GSTCD: variants seen among roughly 807,000 people sequenced by gnomAD.
GSTCD encodes the protein glutathione S-transferase C-terminal domain-containing protein.
In GSTCD, 44 loss-of-function variants were observed where a neutral mutation model predicts 68.3. That is an observed-to-expected ratio of 0.64 (90% CI 0.51 to 0.83). GSTCD has a LOEUF of 0.83. Among genes scored for constraint, GSTCD ranks in the 40% least tolerant of loss-of-function variants. The probability of loss-of-function intolerance (pLI) is 0.00; values close to 1 mark genes in which losing one functional copy is unlikely to be tolerated. For synonymous variants in GSTCD, 273 were observed against 255.2 expected (o/e 1.07, Z -0.67); for missense variants, 739 against 735.9 (o/e 1.00, Z -0.05).
chr4:105,826,717 A>G (rs1026491371), intron 8 of GSTCD, among the ~76,000 whole-genome samples: 1 of 152,038 alleles, frequency 6.6e-6, no homozygotes, highest in Non-Finnish European at 1.5e-5. Flanking sequence ...TCTCATTGTT[A>G]TAATGCAATT....
intron 5 of GSTCD, among the ~76,000 whole-genome samples, chr4:105,794,254 G>C (rs1019520507): frequency 6.6e-6 from 1 of 152,026 alleles, no homozygotes; most frequent in Non-Finnish European, 1.5e-5. Context: ...GGACTACTGG[G>C]AGGAGGTAGA....
chr4:105,794,843 C>CTATT (rs1310209067), intron 5 of GSTCD, among the ~76,000 whole-genome samples: 1 of 36,778 alleles, frequency 2.7e-5, no homozygotes, highest in Non-Finnish European at 5.4e-5. Flanking sequence ...ATCTATTTAT[C>CTATT]TATCTATCTA....
In GSTCD at chr4:105,834,735, T is replaced by C. The variant is rs180902606; in HGVS notation, c.1664+141T>C. ...TGCCAAATATTGTTTGTAAATTGTA[T>C]AAGGAAGAGAAGAACTCCTTTATGT... On this transcript the variant is annotated intron_variant, in intron 9 of 11. Transcript: ENST00000515279. 8.2e-5 allele frequency: 57 copies of C among 697,722 alleles called. No homozygotes were observed. The East Asian group carries it at 1.6e-3, about 19-fold the overall frequency. 43.2% of individuals were successfully genotyped at this position (697,722 alleles called of 1,614,324 possible).
intron 6 of GSTCD, 50 bp downstream of exon 6, chr4:105,823,119 C>T: frequency 2.5e-6 from 4 of 1,570,936 alleles, no homozygotes; most frequent in Non-Finnish European, 2.6e-6. Context: ...GATTATGAGA[C>T]TTTTCTATAT....
At chr4:105,709,814 A>G (rs1219338061) in intron 1 of GSTCD, among the ~76,000 whole-genome samples, 6 of 152,222 alleles carry the variant, frequency 3.9e-5, no homozygotes, top group East Asian at 1.9e-4. Flanking sequence ...TGTAAAAACA[A>G]TGTTTACAGG....
rs780054069 is a variant in GSTCD, at chr4:105,834,537, C to T, written c.1607C>T (p.Thr536Ile). ...ATCAAAACACGGGCTTCCTTCGTCA[C>T]ATGCCCTTGCTGTTATGGTTTCATT... ...HCIKTRASFVTCPCCYGFIQN... is the reference protein window; with the variant it reads ...HCIKTRASFVICPCCYGFIQN... The change falls in exon 9 of 12, where the codon ACA becomes ATA. Residue 536 changes from threonine (T) to isoleucine (I), a missense_variant. Transcript: ENST00000515279. The T allele has an allele frequency of 6.2e-7, 1 of 1,614,116 alleles. No individual in the cohort carries two copies. Among genetic ancestry groups the T allele is most frequent in the South Asian group, 1.1e-5 (1 of 91,082 alleles).
At chr4:105,815,695 C>G (rs1230983025) in intron 5 of GSTCD, among the ~76,000 whole-genome samples, 1 of 152,126 alleles carries the variant, frequency 6.6e-6, no homozygotes, top group Admixed American at 6.5e-5. Flanking sequence ...CTGAGGATTA[C>G]TTGAATGGCC....
In GSTCD at chr4:105,846,040, T is replaced by TA; in HGVS notation, c.*470dup. ...AACAATTGTACTTTTTCTATCACTT[T>TA]AAAAAAATCTAGTCAGGTAATTATA... is the stretch of plus-strand genomic sequence containing the variant. On this transcript the variant is annotated 3_prime_UTR_variant, in exon 12 of 12. Coordinates refer to ENST00000515279, the MANE Select transcript of GSTCD (RefSeq NM_001370181.1). The TA allele has an allele frequency of 6.3e-6, 1 of 158,134 alleles. No individual in the cohort carries two copies. Among genetic ancestry groups the TA allele is most frequent in the Non-Finnish European group, 1.4e-5 (1 of 71,044 alleles). The allele number at this position is 158,134 out of a possible 1,614,324, so 9.8% of individuals were successfully genotyped here.
At chr4:105,832,980 G>C (rs921318419) in intron 8 of GSTCD, among the ~76,000 whole-genome samples, 4 of 152,306 alleles carry the variant, frequency 2.6e-5, no homozygotes, top group African/African-American at 7.2e-5. Context: ...GCTGTTTTCA[G>C]AGTGAAACAA....
At chr4:105,770,377 T>C (rs994434023) in intron 5 of GSTCD, among the ~76,000 whole-genome samples, 1 of 152,114 alleles carries the variant, frequency 6.6e-6, no homozygotes, top group Non-Finnish European at 1.5e-5. Context: ...TTTTCCTTTT[T>C]TTTTTATTAT....
At chr4:105,831,737 T>G (rs1459780813) in intron 8 of GSTCD, among the ~76,000 whole-genome samples, 1 of 152,106 alleles carries the variant, frequency 6.6e-6, no homozygotes, top group Non-Finnish European at 1.5e-5. Context: ...GTCATTTGTC[T>G]TTTTACTTAT....
At chr4:105,839,732 A>C (rs1156830418) in intron 10 of GSTCD, among the ~76,000 whole-genome samples, 6 of 152,204 alleles carry the variant, frequency 3.9e-5, no homozygotes, top group Non-Finnish European at 5.9e-5. Context: ...GGGAAAACAA[A>C]AACTAGACCC....
intron 5 of GSTCD, among the ~76,000 whole-genome samples, chr4:105,742,980 T>C (rs1438830186): frequency 5.9e-5 from 9 of 151,406 alleles, no homozygotes; most frequent in Non-Finnish European, 1.2e-4. Flanking sequence ...GACAGAGTCT[T>C]GCTCTGTTGC....
At chr4:105,780,529 G>C (rs1220339345) in intron 5 of GSTCD, among the ~76,000 whole-genome samples, 1 of 152,192 alleles carries the variant, frequency 6.6e-6, no homozygotes, top group African/African-American at 2.4e-5. Flanking sequence ...AGAATGAATG[G>C]ATGAAATATT....
At chr4:105,759,035 A>G (rs1420128852) in intron 5 of GSTCD, among the ~76,000 whole-genome samples, 1 of 152,228 alleles carries the variant, frequency 6.6e-6, no homozygotes, top group East Asian at 1.9e-4. Flanking sequence ...TCTGCAGAAT[A>G]TAATTTGCTT....
intron 5 of GSTCD, among the ~76,000 whole-genome samples, chr4:105,788,415 C>G (rs1188421021): frequency 6.6e-6 from 1 of 152,010 alleles, no homozygotes; most frequent in Non-Finnish European, 1.5e-5. Context: ...CTGTTTATTC[C>G]ACTATGTTGT....
intron 8 of GSTCD, among the ~76,000 whole-genome samples, chr4:105,832,365 C>T (rs1723932969): frequency 6.6e-6 from 1 of 151,970 alleles, no homozygotes; most frequent in Admixed American, 6.6e-5. Flanking sequence ...CGACCAAAAA[C>T]CTATTATTAG....
intron 5 of GSTCD, among the ~76,000 whole-genome samples, chr4:105,776,544 C>T (rs1735071166): frequency 6.6e-6 from 1 of 152,150 alleles, no homozygotes; most frequent in Non-Finnish European, 1.5e-5. Context: ...CTGAAGTGCA[C>T]CTTTCCTCAC....
intron 1 of GSTCD, chr4:105,712,404 A>G (rs905217917): frequency 1.3e-5 from 2 of 152,294 alleles, no homozygotes; most frequent in South Asian, 2.1e-4. Flanking sequence ...AAGGACAGCT[A>G]TGGCTGGAAG....
Sources: gnomAD v4.1 joint callset for allele counts (sites outside exome capture counted in the v4.1 genomes callset) on GRCh38, gnomAD v4.1.1 for gene constraint, MANE v1.5 for transcripts, NCBI Gene and HGNC (gene_info 2026-07-23, HGNC 2026-07-21) for gene names.